UPRT: variants seen among roughly 807,000 people sequenced by gnomAD.
The protein encoded by UPRT is uracil phosphoribosyltransferase homolog.
Under a neutral mutation model 22.6 loss-of-function variants are expected in UPRT, and 5 were observed. The observed-to-expected ratio is 0.22, with a 90% CI of 0.12 to 0.47. The LOEUF (loss-of-function observed/expected upper bound fraction) is 0.47, where lower values mean the gene tolerates loss of function less well. Among genes scored for constraint, UPRT ranks in the 20% least tolerant of loss-of-function variants. The pLI, the probability that UPRT is intolerant of heterozygous loss-of-function variation, is 0.99. For missense variants in UPRT, 181 were observed against 239.9 expected, an observed-to-expected ratio of 0.75 and a Z score of 1.62; for synonymous variants, 77 against 87.7, an observed-to-expected ratio of 0.88 and a Z score of 0.68.
At chrX:75,206,757 T>C (rs2082368142) in intron 4 of UPRT, among the ~76,000 whole-genome samples, 2 of 110,893 alleles carry the variant, frequency 1.8e-5, no homozygotes, top group Non-Finnish European at 3.8e-5. Context: ...CTCCACCTCC[T>C]GGGTTCATGC....
At chrX:75,246,217 T>C (rs1230391692) in intron 4 of UPRT, among the ~76,000 whole-genome samples, 1 of 107,231 alleles carries the variant, frequency 9.3e-6, no homozygotes, top group African/African-American at 3.4e-5. Context: ...AACTCGTCAT[T>C]TACATTAGGT....
chrX:75,245,484 A>G (rs1039058807), intron 4 of UPRT, among the ~76,000 whole-genome samples: 2 of 106,950 alleles, frequency 1.9e-5, no homozygotes, highest in African/African-American at 6.5e-5. Context: ...ATAAAGAAAC[A>G]TGCAAATTTA....
intron 4 of UPRT, 146 bp from the exon 5 acceptor site, chrX:75,299,589 A>G (rs2082737339): frequency 1.6e-6 from 1 of 630,600 alleles, no homozygotes; most frequent in African/African-American, 2.3e-5. Flanking sequence ...TGAGCATATC[A>G]GAAATAAAAG....
At position 75,235,405 on chromosome X, in the gene UPRT, G is replaced by T. The variant is rs1462786240; in HGVS notation, c.-446-55619G>T. Among the ~76,000 whole-genome samples the T allele has an allele frequency of 3.6e-5, 4 of 111,755 alleles. No homozygotes were observed. In the Admixed American group the frequency reaches 3.8e-4, roughly 11 times the overall value. On this transcript the variant is annotated intron_variant, in intron 4 of 13. Coordinates refer to the UPRT transcript ENST00000652605. ...CCTTCTGAAACTATTCCAATCAATA[G>T]AAAAAGAGGGAATCCTCCCTAACTC...
At chrX:75,178,474 T>G (rs1482455971) in intron 4 of UPRT, among the ~76,000 whole-genome samples, 1 of 111,946 alleles carries the variant, frequency 8.9e-6, no homozygotes, top group Non-Finnish European at 1.9e-5. Context: ...ATTGGTGGGT[T>G]CTTGGTCTCA....
chrX:75,187,731 C>G (rs1470435437), intron 4 of UPRT, among the ~76,000 whole-genome samples: 1 of 111,352 alleles, frequency 9.0e-6, no homozygotes, highest in Non-Finnish European at 1.9e-5. Context: ...TCTTTTTATT[C>G]TTTTTTCTCT....
At chrX:75,173,498 C>A (rs1224533002) in intron 4 of UPRT, among the ~76,000 whole-genome samples, 1 of 112,514 alleles carries the variant, frequency 8.9e-6, no homozygotes, top group Non-Finnish European at 1.9e-5. Flanking sequence ...AAAGACTCTC[C>A]ACGTCCCCAC....
chrX:75,191,571 C>T (rs1221208121), intron 4 of UPRT, among the ~76,000 whole-genome samples: 2 of 111,861 alleles, frequency 1.8e-5, no homozygotes, highest in Non-Finnish European at 3.8e-5. Context: ...GTGAAGTCTA[C>T]AGAGGCAGGC....
At chrX:75,187,596 C>T (rs140579847) in intron 4 of UPRT, among the ~76,000 whole-genome samples, 3,249 of 111,787 alleles carry the variant, frequency 0.029, 115 homozygotes, top group African/African-American at 0.1. Flanking sequence ...GAAGTTCTCC[C>T]GAATAATATC....
At chrX:75,273,164 G>T (rs1428162872), upstream of UPRT, among the ~76,000 whole-genome samples, 2 of 110,935 alleles carry the variant, frequency 1.8e-5, no homozygotes, top group African/African-American at 6.6e-5. Flanking sequence ...AACACACACT[G>T]GAGCCTACTG....
chrX:75,258,127 C>T (rs1456935741), intron 4 of UPRT, among the ~76,000 whole-genome samples: 24 of 109,923 alleles, frequency 2.2e-4, no homozygotes, highest in Admixed American at 1.9e-3. Context: ...CCTATGCCAC[C>T]AGGGCCCTGG....
intron 4 of UPRT, among the ~76,000 whole-genome samples, chrX:75,214,718 T>C (rs949523818): frequency 2.7e-5 from 3 of 111,486 alleles, no homozygotes; most frequent in Non-Finnish European, 5.6e-5. Flanking sequence ...GAGACCAGCC[T>C]GGGAAACATA....
chrX:75,184,727 A>T (rs766338258), intron 4 of UPRT, among the ~76,000 whole-genome samples: 18 of 109,453 alleles, frequency 1.6e-4, no homozygotes, highest in African/African-American at 5.6e-4. Flanking sequence ...GTTATCCTTG[A>T]AGAGGTCCTT....
rs138112132 is a variant in UPRT, at chrX:75,157,753, A to G, written c.-737+1203A>G. Among the ~76,000 whole-genome samples the G allele has an allele frequency of 3.8e-3, 424 of 112,450 alleles. 5 individuals are homozygous for G. Among genetic ancestry groups the G allele is most frequent in the African/African-American group, 0.013 (398 of 30,992 alleles). On this transcript the variant is annotated intron_variant, in intron 1 of 13. Transcript: ENST00000652605. The stretch of plus-strand genomic sequence containing the variant: ...AAAATAAAGGCCTCAACCTAGCAGT[A>G]GCAGTGGCAGTAGATCGATTGCAGG...
intron 4 of UPRT, among the ~76,000 whole-genome samples, chrX:75,192,940 A>T (rs1386264343): frequency 2.7e-5 from 3 of 111,521 alleles, no homozygotes; most frequent in Non-Finnish European, 5.6e-5. Flanking sequence ...CTTTTATTTG[A>T]TGCATTAAGC....
intron 3 of UPRT, 87 bp from the exon 4 acceptor site, chrX:75,297,404 C>A: frequency 1.1e-6 from 1 of 939,054 alleles, no homozygotes; most frequent in East Asian, 3.2e-5. Flanking sequence ...GCTTTGTGCC[C>A]ATCTACTTTA....
chrX:75,218,274 A>G lies in UPRT; in HGVS notation c.-447+50395A>G, dbSNP rs1402772051. On this transcript the variant is annotated intron_variant, in intron 4 of 13. Coordinates refer to the UPRT transcript ENST00000652605. ...AAAGAAGACATTTATGCAGCCAAAA[A>G]ACACATGAAAAAATGGTCACCATCA... is the stretch of plus-strand genomic sequence containing the variant. Among the ~76,000 whole-genome samples, 9 of 111,313 alleles carry G rather than the reference A, an allele frequency of 8.1e-5. No individual in the cohort carries two copies. The East Asian group carries it at 1.7e-3, about 21-fold the overall frequency.
At chrX:75,180,681 G>GTTTTTTTTTTTTTTTTT (rs59522302) in intron 4 of UPRT, among the ~76,000 whole-genome samples, 3 of 43,895 alleles carry the variant, frequency 6.8e-5, no homozygotes, top group African/African-American at 1.8e-4. Context: ...CCTTTTCTCT[G>GTTTTTTTTTTTTTTTTT]TTTTTTTTTT....
intron 1 of UPRT, among the ~76,000 whole-genome samples, chrX:75,284,231 G>T (rs1323677307): frequency 1.8e-5 from 2 of 111,313 alleles, no homozygotes; most frequent in East Asian, 5.6e-4. Context: ...CTTGCATTGG[G>T]CTTTGCCTTT....
Sources: gnomAD v4.1 joint callset for allele counts (sites outside exome capture counted in the v4.1 genomes callset) on GRCh38, gnomAD v4.1.1 for gene constraint, MANE v1.5 for transcripts, NCBI Gene and HGNC (gene_info 2026-07-23, HGNC 2026-07-21) for gene names.